Variants in NBAS observed in about 807,000 individuals in gnomAD.
NBAS encodes NAG/BC035112 fusion.
A neutral mutation model predicts 302.5 loss-of-function variants in NBAS; 219 were observed. The observed-to-expected ratio is 0.72, with a 90% CI of 0.65 to 0.81. NBAS has a LOEUF of 0.81. Among genes scored for constraint, NBAS ranks in the 30% least tolerant of loss-of-function variants. The pLI, the probability that NBAS is intolerant of heterozygous loss-of-function variation, is 0.00. For missense variants in NBAS, 2,932 were observed against 2,841.6 expected, an observed-to-expected ratio of 1.03 and a Z score of -0.72; for synonymous variants, 1,118 against 1,021.6, an observed-to-expected ratio of 1.09 and a Z score of -1.80.
intron 35 of NBAS, among the ~76,000 whole-genome samples, chr2:15,334,340 C>A (rs1329581278): frequency 6.6e-6 from 1 of 152,108 alleles, no homozygotes; most frequent in Non-Finnish European, 1.5e-5. Flanking sequence ...CAGGTGCCCA[C>A]CACCACGCCC....
chr2:14,823,658 A>G, the NBAS span, among the ~76,000 whole-genome samples: 4,922 of 152,244 alleles, frequency 0.032, 244 homozygotes, highest in African/African-American at 0.11. Context: ...AGCAAACTCA[A>G]GTGACATTAA....
At chr2:15,557,722 C>T (rs1242825950) in intron 2 of NBAS, among the ~76,000 whole-genome samples, 1 of 152,056 alleles carries the variant, frequency 6.6e-6, no homozygotes, top group Non-Finnish European at 1.5e-5. Context: ...AGTCAAATTC[C>T]AAATGAATGA....
At chr2:14,953,878 A>T in the NBAS span, among the ~76,000 whole-genome samples, 1 of 152,230 alleles carries the variant, frequency 6.6e-6, no homozygotes, top group East Asian at 1.9e-4. Context: ...AGATATAACC[A>T]TGAGAGGTGA....
chr2:15,115,311 T>C, the NBAS span, among the ~76,000 whole-genome samples: 28 of 152,330 alleles, frequency 1.8e-4, no homozygotes, highest in Admixed American at 1.8e-3. Context: ...CATGGCAACA[T>C]GTAACTAGGA....
intron 5 of NBAS, among the ~76,000 whole-genome samples, chr2:15,552,678 CTG>C (rs1664435660): frequency 1.3e-5 from 2 of 152,062 alleles, no homozygotes; most frequent in South Asian, 4.2e-4. Context: ...TATAATACCA[CTG>C]AATGTCTCAA....
At chr2:15,170,211 G>A (rs1427559455) in intron 51 of NBAS, among the ~76,000 whole-genome samples, 5 of 152,188 alleles carry the variant, frequency 3.3e-5, no homozygotes, top group African/African-American at 1.2e-4. Context: ...GCCTGCGGCC[G>A]CTGCTGCTCT....
chr2:15,450,368 T>G (rs889587539), intron 21 of NBAS, among the ~76,000 whole-genome samples: 3 of 152,158 alleles, frequency 2.0e-5, no homozygotes, highest in Non-Finnish European at 4.4e-5. Flanking sequence ...TACTCAAATT[T>G]CCCAACATCA....
chr2:14,951,982 G>C, the NBAS span, among the ~76,000 whole-genome samples: 1 of 152,160 alleles, frequency 6.6e-6, no homozygotes, highest in South Asian at 2.1e-4. Flanking sequence ...TCATTTCATT[G>C]GTGGGGGAGG....
the NBAS span, among the ~76,000 whole-genome samples, chr2:15,032,124 T>G: frequency 6.6e-6 from 1 of 152,208 alleles, no homozygotes; most frequent in Admixed American, 6.5e-5. Context: ...GCTCAGTCAT[T>G]ACTCTTCTCC....
intron 16 of NBAS, among the ~76,000 whole-genome samples, chr2:15,471,868 T>C (rs1322223897): frequency 1.3e-5 from 2 of 152,138 alleles, no homozygotes; most frequent in East Asian, 1.9e-4. Context: ...AGGAACGAAA[T>C]TGGCTAACAC....
intron 31 of NBAS, among the ~76,000 whole-genome samples, chr2:15,368,823 T>A (rs543929877): frequency 6.6e-6 from 1 of 152,322 alleles, no homozygotes; most frequent in East Asian, 1.9e-4. Flanking sequence ...CCACTACAGA[T>A]CTTTCCCTTC....
chr2:15,277,140 T>C, intron 42 of NBAS, 39 bp from the exon 43 acceptor site: 2 of 1,585,054 alleles, frequency 1.3e-6, no homozygotes, highest in Non-Finnish European at 8.5e-7. Context: ...TAAGATTTTG[T>C]TCCTTTATTA....
intron 9 of NBAS, 65 bp downstream of exon 9, chr2:15,534,478 C>T (rs1388418194): frequency 8.5e-7 from 1 of 1,176,454 alleles, no homozygotes; most frequent in African/African-American, 1.5e-5. Context: ...AGAATAGTTT[C>T]TTCTATCTGA....
intron 8 of NBAS, among the ~76,000 whole-genome samples, chr2:15,536,132 A>G (rs1663497511): frequency 6.6e-6 from 1 of 152,224 alleles, no homozygotes; most frequent in Non-Finnish European, 1.5e-5. Flanking sequence ...ATGCATGCTA[A>G]AGCATTTGAG....
the NBAS span, among the ~76,000 whole-genome samples, chr2:15,009,595 C>A: frequency 7.4e-6 from 1 of 134,728 alleles, no homozygotes; most frequent in African/African-American, 2.8e-5. Flanking sequence ...AGGTAACCTG[C>A]AACATCATAC....
chr2:15,130,602 T>C, the NBAS span, among the ~76,000 whole-genome samples: 1 of 152,256 alleles, frequency 6.6e-6, no homozygotes, highest in Admixed American at 6.5e-5. Flanking sequence ...GGAGAGTGAC[T>C]TGGGCAGGGC....
intron 9 of NBAS, among the ~76,000 whole-genome samples, chr2:15,526,098 A>G (rs757517055): frequency 6.6e-6 from 1 of 152,162 alleles, no homozygotes; most frequent in South Asian, 2.1e-4. Flanking sequence ...GCTATAATCT[A>G]TGCTAAAACC....
chr2:15,378,346 C>T (rs995318400), intron 30 of NBAS, among the ~76,000 whole-genome samples: 6 of 152,000 alleles, frequency 3.9e-5, no homozygotes, highest in African/African-American at 1.2e-4. Flanking sequence ...AGGAGAAATA[C>T]GTATTAGAGG....
At chr2:15,346,842 A>G (rs909433347) in intron 35 of NBAS, among the ~76,000 whole-genome samples, 4 of 152,154 alleles carry the variant, frequency 2.6e-5, no homozygotes, top group African/African-American at 9.7e-5. Flanking sequence ...TGCAATCATG[A>G]CCTTTGCAGG....
Sources: gnomAD v4.1 joint callset for allele counts (sites outside exome capture counted in the v4.1 genomes callset) on GRCh38, gnomAD v4.1.1 for gene constraint, MANE v1.5 for transcripts, NCBI Gene and HGNC (gene_info 2026-07-23, HGNC 2026-07-21) for gene names.